Variants in MTUS2 observed in about 807,000 individuals in gnomAD.
The protein encoded by MTUS2 is microtubule-associated tumor suppressor candidate 2.
A neutral mutation model predicts 114.1 loss-of-function variants in MTUS2; 40 were observed. That is an observed-to-expected ratio of 0.35 (90% CI 0.27 to 0.46). MTUS2 has a LOEUF of 0.46. Among genes scored for constraint, MTUS2 ranks in the 20% least tolerant of loss-of-function variants. The pLI is 1.00. For missense variants in MTUS2, 1,679 were observed against 1,705.4 expected, an observed-to-expected ratio of 0.98 and a Z score of 0.27; for synonymous variants, 688 against 672.0, an observed-to-expected ratio of 1.02 and a Z score of -0.37.
At chr13:29,491,693 TGTG>T (rs1882108467) in intron 11 of MTUS2, among the ~76,000 whole-genome samples, 1 of 131,650 alleles carries the variant, frequency 7.6e-6, no homozygotes, top group South Asian at 2.6e-4. Flanking sequence ...GTGTGTGGAG[TGTG>T]GTGTATTCGT....
chr13:28,890,690 T>A (rs1878867426), intron 2 of MTUS2, among the ~76,000 whole-genome samples: 2 of 152,216 alleles, frequency 1.3e-5, no homozygotes, highest in African/African-American at 4.8e-5. Flanking sequence ...TAGATTTTAT[T>A]AGTGGGATAT....
At chr13:29,233,748 C>T (rs1896427279) in intron 5 of MTUS2, among the ~76,000 whole-genome samples, 2 of 152,180 alleles carry the variant, frequency 1.3e-5, no homozygotes, top group Non-Finnish European at 2.9e-5. Flanking sequence ...GTAAATCTAA[C>T]ATATCACCTG....
At chr13:29,178,208 T>G (rs1893854952) in intron 5 of MTUS2, among the ~76,000 whole-genome samples, 1 of 152,162 alleles carries the variant, frequency 6.6e-6, no homozygotes, top group South Asian at 2.1e-4. Context: ...GCTATAAAAT[T>G]TAAAGTTTAA....
At chr13:28,973,730 C>T (rs1347214241) in intron 2 of MTUS2, among the ~76,000 whole-genome samples, 1 of 152,116 alleles carries the variant, frequency 6.6e-6, no homozygotes, top group Non-Finnish European at 1.5e-5. Flanking sequence ...AATTTTATCA[C>T]AGTATTGGAT....
chr13:28,889,941 G>T (rs1302772048), intron 2 of MTUS2, among the ~76,000 whole-genome samples: 3 of 152,182 alleles, frequency 2.0e-5, no homozygotes, highest in African/African-American at 7.2e-5. Context: ...GGGTGCCCCA[G>T]TGATACTCGG....
At position 28,876,317 on chromosome 13, in the gene MTUS2, T is replaced by C. The variant is rs144353817; in HGVS notation, c.-243+36467T>C. 3.9e-5 allele frequency among the ~76,000 whole-genome samples: 6 copies of C among 152,310 alleles called. No individual in the cohort carries two copies. The East Asian group carries it at 1.2e-3, about 29-fold the overall frequency. Reference sequence around the variant, plus strand: ...ATAACCTTCAGAGGTTGGTTTCAGATGTTTACACAGCATATCCAGTAAAGA... The same window carrying C: ...ATAACCTTCAGAGGTTGGTTTCAGACGTTTACACAGCATATCCAGTAAAGA... On this transcript the variant is annotated intron_variant, in intron 2 of 15. Coordinates refer to ENST00000612955, the MANE Select transcript of MTUS2 (RefSeq NM_001033602.4).
chr13:29,164,761 T>G (rs905514039), intron 5 of MTUS2, among the ~76,000 whole-genome samples: 2 of 152,230 alleles, frequency 1.3e-5, no homozygotes, highest in African/African-American at 4.8e-5. Flanking sequence ...AATTATGTAT[T>G]AGCCATATAA....
intron 5 of MTUS2, among the ~76,000 whole-genome samples, chr13:29,160,446 C>T (rs1893044671): frequency 1.3e-5 from 2 of 152,100 alleles, no homozygotes; most frequent in Admixed American, 1.3e-4. Flanking sequence ...CAACAGTAGG[C>T]TAGTAGAGGT....
intron 2 of MTUS2, among the ~76,000 whole-genome samples, chr13:28,889,577 T>G (rs1371542931): frequency 6.6e-6 from 1 of 152,158 alleles, no homozygotes; most frequent in African/African-American, 2.4e-5. Flanking sequence ...TTTCTGTATC[T>G]CTTGCAAACA....
chr13:29,378,296 AAAG>A lies in MTUS2; in HGVS notation c.3117+18826_3117+18828del, dbSNP rs1362763450. On this transcript the variant is annotated intron_variant, in intron 8 of 15. Coordinates refer to ENST00000612955, the MANE Select transcript of MTUS2 (RefSeq NM_001033602.4). ...TGTTAATTTTTATAATAAATTAAAA[AAAG>A]AAAAAAGCGATAATTCATATGGTTG... Among the ~76,000 whole-genome samples the A allele has an allele frequency of 5.7e-4, 26 of 45,524 alleles. No homozygotes were observed. In the East Asian group the frequency reaches 0.014, roughly 25 times the overall value. 29.9% of individuals were successfully genotyped at this position (45,524 alleles called of 152,430 possible). A position where few individuals can be genotyped will look rare whatever the true frequency, so the allele number is the denominator to read the frequency against.
chr13:29,162,519 G>A (rs1448488222), intron 5 of MTUS2, among the ~76,000 whole-genome samples: 1 of 152,102 alleles, frequency 6.6e-6, no homozygotes, highest in Non-Finnish European at 1.5e-5. Flanking sequence ...CCTTTTAAGG[G>A]TAGTACATGT....
intron 5 of MTUS2, among the ~76,000 whole-genome samples, chr13:29,109,507 A>G (rs992809730): frequency 6.6e-6 from 1 of 152,356 alleles, no homozygotes; most frequent in East Asian, 1.9e-4. Context: ...TGAAGAGTAC[A>G]GACTCTGGAG....
At chr13:29,012,319 C>T (rs1179099890) in intron 2 of MTUS2, among the ~76,000 whole-genome samples, 1 of 152,152 alleles carries the variant, frequency 6.6e-6, no homozygotes, top group African/African-American at 2.4e-5. Context: ...TCCCGGGAAT[C>T]AGCTGCCCTC....
intron 5 of MTUS2, among the ~76,000 whole-genome samples, chr13:29,188,601 C>T (rs1036434732): frequency 6.6e-6 from 1 of 152,164 alleles, no homozygotes; most frequent in African/African-American, 2.4e-5. Context: ...TATAATCATA[C>T]ATAAGGTAAG....
chr13:29,248,164 A>G (rs1016584805), intron 5 of MTUS2, among the ~76,000 whole-genome samples: 4 of 152,226 alleles, frequency 2.6e-5, no homozygotes, highest in Admixed American at 1.3e-4. Context: ...ACCAAACATC[A>G]TATGTTCTCA....
intron 8 of MTUS2, among the ~76,000 whole-genome samples, chr13:29,399,341 C>A (rs1874151154): frequency 6.6e-6 from 1 of 152,132 alleles, no homozygotes; most frequent in Non-Finnish European, 1.5e-5. Flanking sequence ...CTTGTGCCGA[C>A]CTCCTGTCTC....
chr13:29,036,141 C>CAAAAA (rs397851632), intron 4 of MTUS2, among the ~76,000 whole-genome samples: 144 of 30,702 alleles, frequency 4.7e-3, no homozygotes, highest in South Asian at 7.5e-3. Flanking sequence ...GAGACTGTCT[C>CAAAAA]AAAAAAAAAA....
intron 7 of MTUS2, among the ~76,000 whole-genome samples, chr13:29,355,848 A>G (rs542341590): frequency 2.0e-5 from 3 of 152,348 alleles, no homozygotes; most frequent in Admixed American, 6.5e-5. Flanking sequence ...CCAGTCAGTA[A>G]GAAATTGGCA....
At chr13:29,238,853 C>A (rs929515589) in intron 5 of MTUS2, among the ~76,000 whole-genome samples, 2 of 152,134 alleles carry the variant, frequency 1.3e-5, no homozygotes, top group Non-Finnish European at 2.9e-5. Flanking sequence ...ATAAGCCAGA[C>A]ACATGTGACA....
Sources: allele counts gnomAD v4.1 joint callset (sites outside exome capture counted in the v4.1 genomes callset), GRCh38; gene constraint gnomAD v4.1.1; transcripts MANE v1.5; gene names NCBI Gene and HGNC (gene_info 2026-07-23, HGNC 2026-07-21).